The following DMD variants were observed in gnomAD, a reference collection of about 807,000 sequenced individuals.
The protein encoded by DMD is mutant dystrophin.
DMD carries 63 observed loss-of-function variants against 330.1 expected under a neutral mutation model. The ratio of observed to expected loss-of-function variants is 0.19; its 90% CI spans 0.16 to 0.24. The LOEUF is 0.24. Ranked by LOEUF, DMD falls within the 10% of genes least tolerant of loss-of-function variation. The pLI is 1.00. For synonymous variants in DMD, 1,223 were observed against 959.8 expected, an observed-to-expected ratio of 1.27 and a Z score of -5.07; for missense variants, 3,344 against 2,684.1, an observed-to-expected ratio of 1.25 and a Z score of -5.43.
At chrX:32,559,120 T>C (rs950786178) in intron 16 of DMD, among the ~76,000 whole-genome samples, 1 of 108,674 alleles carries the variant, frequency 9.2e-6, no homozygotes, top group Non-Finnish European at 1.9e-5. Context: ...CTGGCTACTT[T>C]TTTTGTATTT....
At chrX:32,349,297 T>C (rs757409045) in intron 37 of DMD, among the ~76,000 whole-genome samples, 12 of 111,076 alleles carry the variant, frequency 1.1e-4, no homozygotes, top group Non-Finnish European at 1.3e-4. Context: ...GTGGGCAAGG[T>C]TTAGTTATTA....
chrX:33,103,954 C>A (rs1217772784), intron 1 of DMD, among the ~76,000 whole-genome samples: 2 of 111,193 alleles, frequency 1.8e-5, no homozygotes, highest in Non-Finnish European at 3.8e-5. Context: ...AAGAACAGAA[C>A]GATAACTCAA....
At chrX:31,584,973 GT>G (rs749719018) in intron 55 of DMD, among the ~76,000 whole-genome samples, 3,832 of 107,122 alleles carry the variant, frequency 0.036, 61 homozygotes, top group Middle Eastern at 0.062. Context: ...GCCAGAATAA[GT>G]TTTTTTTTTA....
intron 2 of DMD, among the ~76,000 whole-genome samples, chrX:33,008,778 A>G (rs2093450932): frequency 1.0e-5 from 1 of 96,697 alleles, no homozygotes; most frequent in Non-Finnish European, 2.1e-5. Flanking sequence ...TTATAACCTA[A>G]AACAACTATA....
At chrX:31,252,479 C>G (rs1392229355) in intron 63 of DMD, among the ~76,000 whole-genome samples, 1 of 111,486 alleles carries the variant, frequency 9.0e-6, no homozygotes, top group Non-Finnish European at 1.9e-5. Context: ...TCAGTCTGCT[C>G]AAGTCCAAAT....
At chrX:32,907,024 T>C (rs917994595) in intron 2 of DMD, among the ~76,000 whole-genome samples, 1 of 112,446 alleles carries the variant, frequency 8.9e-6, no homozygotes, top group Non-Finnish European at 1.9e-5. Context: ...ACTTAGTCTC[T>C]GTATTTGTTG....
intron 1 of DMD, among the ~76,000 whole-genome samples, chrX:33,218,147 G>A (rs1043048329): frequency 1.8e-5 from 2 of 110,986 alleles, no homozygotes; most frequent in Non-Finnish European, 3.8e-5. Flanking sequence ...CATAAATGGG[G>A]CACTGAATTT....
At chrX:32,701,432 C>G (rs1299305859) in intron 7 of DMD, among the ~76,000 whole-genome samples, 1 of 111,936 alleles carries the variant, frequency 8.9e-6, no homozygotes, top group Non-Finnish European at 1.9e-5. Flanking sequence ...TGCATGAACA[C>G]TGCCTTCCTT....
At chrX:32,727,036 G>C (rs945588024) in intron 7 of DMD, among the ~76,000 whole-genome samples, 2 of 110,656 alleles carry the variant, frequency 1.8e-5, no homozygotes, top group Non-Finnish European at 3.8e-5. Flanking sequence ...GTTCCTCTAG[G>C]TTGAAGTAAA....
intron 44 of DMD, among the ~76,000 whole-genome samples, chrX:32,125,482 T>TC (rs1468066167): frequency 8.9e-6 from 1 of 111,735 alleles, no homozygotes; most frequent in Non-Finnish European, 1.9e-5. Context: ...CTGAGTTGCC[T>TC]CTGATACATT....
chrX:32,821,028 A>G (rs1340980410), intron 5 of DMD, among the ~76,000 whole-genome samples: 1 of 111,068 alleles, frequency 9.0e-6, no homozygotes, highest in Non-Finnish European at 1.9e-5. Flanking sequence ...CACCATCACT[A>G]TATGGAACGG....
chrX:31,990,853 G>A (rs182329484), intron 44 of DMD, among the ~76,000 whole-genome samples: 53 of 112,016 alleles, frequency 4.7e-4, no homozygotes, highest in Non-Finnish European at 7.7e-4. Context: ...GAAACAAGAT[G>A]TAAGCATATA....
At chrX:32,323,742 G>A (rs1424737955) in intron 41 of DMD, among the ~76,000 whole-genome samples, 4 of 111,181 alleles carry the variant, frequency 3.6e-5, no homozygotes, top group Admixed American at 9.7e-5. Context: ...ATGCAGTAGA[G>A]TGCAGTGAAG....
intron 60 of DMD, among the ~76,000 whole-genome samples, chrX:31,366,470 CAAAAAAAAAA>C (rs34216082): frequency 5.6e-4 from 6 of 10,651 alleles, no homozygotes; most frequent in African/African-American, 2.5e-3. Flanking sequence ...CTCTCTCTCT[CAAAAAAAAAA>C]AAAAAAAAAA....
intron 2 of DMD, among the ~76,000 whole-genome samples, chrX:32,952,520 C>G (rs976365809): frequency 9.0e-6 from 1 of 111,136 alleles, no homozygotes; most frequent in Admixed American, 9.7e-5. Flanking sequence ...TTTTATAACA[C>G]GTCGATTCTA....
At chrX:32,240,471 T>C (rs2097204051) in intron 43 of DMD, among the ~76,000 whole-genome samples, 1 of 107,260 alleles carries the variant, frequency 9.3e-6, no homozygotes, top group South Asian at 4.0e-4. Flanking sequence ...GCCAGTGCCT[T>C]GATCTTGAAC....
intron 57 of DMD, among the ~76,000 whole-genome samples, chrX:31,484,831 T>A (rs772612527): frequency 8.9e-6 from 1 of 112,301 alleles, no homozygotes; most frequent in Non-Finnish European, 1.9e-5. Flanking sequence ...ACCTATTAGG[T>A]ACAAAGTTAG....
intron 55 of DMD, among the ~76,000 whole-genome samples, chrX:31,572,369 A>T (rs982529330): frequency 1.6e-4 from 18 of 111,875 alleles, no homozygotes; most frequent in African/African-American, 5.9e-4. Flanking sequence ...CCACCTTCAG[A>T]TTTCTTTCTT....
chrX:32,544,178 C>T (rs185016696), intron 17 of DMD, among the ~76,000 whole-genome samples: 30 of 111,467 alleles, frequency 2.7e-4, no homozygotes, highest in African/African-American at 9.4e-4. Context: ...AGAAAAGGCC[C>T]AGTGATTTAC....
Sources: allele counts gnomAD v4.1 joint callset (sites outside exome capture counted in the v4.1 genomes callset), GRCh38; gene constraint gnomAD v4.1.1; transcripts MANE v1.5; gene names NCBI Gene and HGNC (gene_info 2026-07-23, HGNC 2026-07-21).